SCHIP1: variants seen among roughly 807,000 people sequenced by gnomAD.
SCHIP1 encodes schwannomin-interacting protein 1.
In SCHIP1, 8 loss-of-function variants were observed where a neutral mutation model predicts 29.7. That is an observed-to-expected ratio of 0.27 (90% CI 0.16 to 0.49). The LOEUF (loss-of-function observed/expected upper bound fraction) is 0.49. SCHIP1 is among the 20% of genes least tolerant of loss of function. SCHIP1 has a pLI of 0.99. For synonymous variants in SCHIP1, 76 were observed against 94.9 expected, an observed-to-expected ratio of 0.80 and a Z score of 1.16; for missense variants, 193 against 294.6, an observed-to-expected ratio of 0.66 and a Z score of 2.52.
At chr3:159,864,470 TACACAC>T (rs58371525) in intron 1 of SCHIP1, among the ~76,000 whole-genome samples, 4,162 of 139,864 alleles carry the variant, frequency 0.03, 97 homozygotes, top group African/African-American at 0.063. Flanking sequence ...ATGGCTGTAC[TACACAC>T]ACACACACAC....
chr3:159,782,029 T>A, the SCHIP1 span, among the ~76,000 whole-genome samples: 1 of 152,238 alleles, frequency 6.6e-6, no homozygotes, highest in Non-Finnish European at 1.5e-5. Context: ...TGGGCATGAC[T>A]TGGGAGCCCT....
At chr3:159,847,149 G>A (rs1262387930) in intron 1 of SCHIP1, among the ~76,000 whole-genome samples, 1 of 152,168 alleles carries the variant, frequency 6.6e-6, no homozygotes, top group African/African-American at 2.4e-5. Flanking sequence ...GGAAAGGATG[G>A]TGGTGATGGG....
At chr3:159,647,243 A>G in the SCHIP1 span, among the ~76,000 whole-genome samples, 2 of 152,118 alleles carry the variant, frequency 1.3e-5, no homozygotes, top group Non-Finnish European at 2.9e-5. Flanking sequence ...AGAGAAATCC[A>G]AAAATAAGGA....
chr3:159,447,918 C>T, the SCHIP1 span, among the ~76,000 whole-genome samples: 3 of 152,070 alleles, frequency 2.0e-5, no homozygotes, highest in Non-Finnish European at 4.4e-5. Context: ...TATAAGGTTA[C>T]CCGTCCCTTA....
chr3:159,713,286 A>AAGAAAGAC, the SCHIP1 span, among the ~76,000 whole-genome samples: 1 of 151,110 alleles, frequency 6.6e-6, no homozygotes, highest in Non-Finnish European at 1.5e-5. Context: ...GAAAGAAAGA[A>AAGAAAGAC]AAAAGAAAAG....
chr3:159,490,207 T>G, the SCHIP1 span, among the ~76,000 whole-genome samples: 3 of 152,196 alleles, frequency 2.0e-5, no homozygotes, highest in Non-Finnish European at 4.4e-5. Context: ...TCCATCATCT[T>G]GAGTATTTAC....
At chr3:159,786,847 C>G in the SCHIP1 span, among the ~76,000 whole-genome samples, 5 of 152,044 alleles carry the variant, frequency 3.3e-5, no homozygotes, top group Non-Finnish European at 5.9e-5. Context: ...GTTTACAAGA[C>G]AAATAATTTA....
chr3:159,558,376 CAAG>C, the SCHIP1 span, among the ~76,000 whole-genome samples: 10 of 152,182 alleles, frequency 6.6e-5, no homozygotes, highest in South Asian at 1.0e-3. Flanking sequence ...GTCCTGGAAA[CAAG>C]AAGAAGCAGG....
chr3:159,782,140 C>T, the SCHIP1 span, among the ~76,000 whole-genome samples: 9 of 152,194 alleles, frequency 5.9e-5, no homozygotes, highest in Admixed American at 5.9e-4. Context: ...AGCAAAGAGA[C>T]TCTCACTGAA....
At chr3:159,391,091 T>A in the SCHIP1 span, among the ~76,000 whole-genome samples, 1 of 152,198 alleles carries the variant, frequency 6.6e-6, no homozygotes. Context: ...GTAGTCAACA[T>A]GATGAATGTG....
the SCHIP1 span, among the ~76,000 whole-genome samples, chr3:159,734,564 C>G: frequency 3.3e-3 from 509 of 152,272 alleles, 5 homozygotes; most frequent in African/African-American, 0.012. Flanking sequence ...CAACTTCACA[C>G]AAGCCACTTA....
At chr3:159,305,045 A>G in the SCHIP1 span, among the ~76,000 whole-genome samples, 1 of 151,710 alleles carries the variant, frequency 6.6e-6, no homozygotes, top group Non-Finnish European at 1.5e-5. Context: ...TTAACTTCCC[A>G]GCTTTTCCCT....
chr3:159,596,123 C>G, the SCHIP1 span, among the ~76,000 whole-genome samples: 1 of 152,062 alleles, frequency 6.6e-6, no homozygotes, highest in Non-Finnish European at 1.5e-5. Context: ...ACAACCCCAT[C>G]CAAAAGTGGG....
At chr3:159,385,385 C>T in the SCHIP1 span, among the ~76,000 whole-genome samples, 2 of 152,102 alleles carry the variant, frequency 1.3e-5, no homozygotes, top group African/African-American at 4.8e-5. Context: ...TGGCAAAATC[C>T]AGTCTCTACT....
At chr3:159,338,399 C>T in the SCHIP1 span, among the ~76,000 whole-genome samples, 4 of 152,024 alleles carry the variant, frequency 2.6e-5, no homozygotes, top group Admixed American at 6.6e-5. Flanking sequence ...GGACCGTCTA[C>T]GTCATGAGTG....
chr3:159,691,946 G>C, the SCHIP1 span, among the ~76,000 whole-genome samples: 14 of 150,932 alleles, frequency 9.3e-5, no homozygotes, highest in Admixed American at 4.0e-4. Flanking sequence ...CTTCTGGCTT[G>C]TAGGGTTTCT....
the SCHIP1 span, among the ~76,000 whole-genome samples, chr3:159,802,863 T>C: frequency 1.1e-4 from 17 of 152,314 alleles, no homozygotes; most frequent in Admixed American, 3.9e-4. Context: ...TAAGGCAGGT[T>C]CAAGATGACT....
intron 1 of SCHIP1, among the ~76,000 whole-genome samples, chr3:159,849,164 G>T (rs1391222853): frequency 6.6e-6 from 1 of 152,086 alleles, no homozygotes; most frequent in East Asian, 1.9e-4. Context: ...CGAATTTTGA[G>T]GTGCCTCTCT....
chr3:159,375,759 A>C, the SCHIP1 span: 5 of 886,168 alleles, frequency 5.6e-6, no homozygotes, highest in Non-Finnish European at 6.7e-6. Context: ...TAAATAAATA[A>C]ACTGTTTGAT....
Sources: allele counts gnomAD v4.1 joint callset (sites outside exome capture counted in the v4.1 genomes callset), GRCh38; gene constraint gnomAD v4.1.1; transcripts MANE v1.5; gene names NCBI Gene and HGNC (gene_info 2026-07-23, HGNC 2026-07-21).